Variants in PRIM2 observed in about 807,000 individuals in gnomAD.
PRIM2 encodes DNA primase subunit 2.
Under a neutral mutation model 67.3 loss-of-function variants are expected in PRIM2, and 39 were observed. That is an observed-to-expected ratio of 0.58 (90% CI 0.45 to 0.76). The LOEUF (loss-of-function observed/expected upper bound fraction) is 0.76. PRIM2 is among the 30% of genes least tolerant of loss of function. The pLI, the probability that PRIM2 is intolerant of heterozygous loss-of-function variation, is 0.00. For missense variants in PRIM2, 398 were observed against 598.7 expected (o/e 0.66, Z 3.50); for synonymous variants, 143 against 198.7 (o/e 0.72, Z 2.36).
At chr6:57,407,831 T>TTTTAATAAGAAAATACTGTGTA (rs1770946872) in intron 7 of PRIM2, among the ~76,000 whole-genome samples, 2 of 152,340 alleles carry the variant, frequency 1.3e-5, no homozygotes, top group Admixed American at 1.3e-4. Context: ...GTTTCTAATT[T>TTTTAATAAGAAAATACTGTGTA]TTTAATAAGC....
chr6:57,578,669 GTTTTTTGTT>G (rs1230884484), intron 10 of PRIM2, among the ~76,000 whole-genome samples: 11 of 112,046 alleles, frequency 9.8e-5, no homozygotes, highest in Middle Eastern at 5.6e-3. Context: ...TCCTTCTTTT[GTTTTTTGTT>G]TTTTTTTTTT....
the PRIM2 span, among the ~76,000 whole-genome samples, chr6:57,263,745 C>T: frequency 1.3e-5 from 2 of 152,204 alleles, no homozygotes; most frequent in Non-Finnish European, 2.9e-5. Flanking sequence ...TGACATCTAT[C>T]ACATCTAGCT....
the PRIM2 span, among the ~76,000 whole-genome samples, chr6:57,301,331 T>C: frequency 2.0e-5 from 3 of 151,658 alleles, no homozygotes; most frequent in Non-Finnish European, 4.4e-5. Flanking sequence ...CTATTAAAAA[T>C]ACAAAATTAG....
chr6:57,457,148 A>G (rs201737840), intron 7 of PRIM2, among the ~76,000 whole-genome samples: 81,089 of 151,944 alleles, frequency 0.53, 22,229 homozygotes, highest in South Asian at 0.63. Context: ...TTCCTCTGGA[A>G]GTTTTGTCTC....
chr6:57,297,193 G>A, the PRIM2 span, among the ~76,000 whole-genome samples: 1 of 152,158 alleles, frequency 6.6e-6, no homozygotes, highest in African/African-American at 2.4e-5. Context: ...TGTAATCCCA[G>A]CACTTTGGGA....
chr6:57,375,419 A>G (rs1769728717), intron 5 of PRIM2, among the ~76,000 whole-genome samples: 1 of 152,246 alleles, frequency 6.6e-6, no homozygotes, highest in African/African-American at 2.4e-5. Flanking sequence ...TATGAAGCCA[A>G]GTTGATCGTG....
intron 5 of PRIM2, among the ~76,000 whole-genome samples, chr6:57,333,104 G>A (rs1167354415): frequency 6.6e-6 from 1 of 152,068 alleles, no homozygotes; most frequent in Admixed American, 6.6e-5. Flanking sequence ...GTTGGGATTA[G>A]CATTAAGTTA....
chr6:57,588,799 G>T (rs1776238690), intron 10 of PRIM2, among the ~76,000 whole-genome samples: 1 of 152,112 alleles, frequency 6.6e-6, no homozygotes, highest in Admixed American at 6.5e-5. Context: ...TTATTTTTCT[G>T]TAATGTGTCT....
rs1156398291 is a variant in PRIM2 at position 57,582,779 on chromosome 6, TTTATTA to T, written c.1021-18294_1021-18289del. Among the ~76,000 whole-genome samples, 741 of 147,284 alleles carry T rather than the reference TTTATTA, an allele frequency of 5.0e-3. 5 individuals carry two copies. The highest frequency in any genetic ancestry group is 0.016 in the African/African-American group (640 of 40,062). On this transcript the variant is annotated intron_variant, in intron 10 of 13. Transcript: ENST00000615550. ...CCATTTATAATTTTATAATATTTTC[TTTATTA>T]TTATTATTATTATTATTATACTTTA...
chr6:57,351,265 AT>A (rs1284995893), intron 5 of PRIM2, among the ~76,000 whole-genome samples: 1 of 152,124 alleles, frequency 6.6e-6, no homozygotes, highest in African/African-American at 2.4e-5. Flanking sequence ...TCCAGTGAGC[AT>A]TTAACCTGAG....
chr6:57,350,344 C>A (rs1181840508), intron 5 of PRIM2, among the ~76,000 whole-genome samples: 3 of 152,080 alleles, frequency 2.0e-5, no homozygotes, highest in Non-Finnish European at 2.9e-5. Context: ...GAATTCTAAT[C>A]ATAAAAATAA....
intron 7 of PRIM2, among the ~76,000 whole-genome samples, chr6:57,389,393 GCATGAGT>G (rs1345464621): frequency 2.0e-5 from 3 of 152,110 alleles, no homozygotes; most frequent in African/African-American, 7.2e-5. Flanking sequence ...GGAATTACAG[GCATGAGT>G]CACCATGCCT....
At chr6:57,406,324 A>G (rs1246289856) in intron 7 of PRIM2, among the ~76,000 whole-genome samples, 1 of 152,152 alleles carries the variant, frequency 6.6e-6, no homozygotes, top group East Asian at 1.9e-4. Flanking sequence ...CATGGTTTCT[A>G]ATTCTGTACC....
chr6:57,366,754 G>A (rs1041801119), intron 5 of PRIM2, among the ~76,000 whole-genome samples: 6 of 152,116 alleles, frequency 3.9e-5, no homozygotes, highest in African/African-American at 1.2e-4. Context: ...ACCATAATGA[G>A]GTGCCAGAAG....
the PRIM2 span, among the ~76,000 whole-genome samples, chr6:57,241,117 G>A: frequency 6.6e-6 from 1 of 151,700 alleles, no homozygotes; most frequent in Admixed American, 6.6e-5. Context: ...CCAGCTACTC[G>A]GGAGGCTGAG....
At chr6:57,448,700 G>A (rs1200668757) in intron 7 of PRIM2, among the ~76,000 whole-genome samples, 8 of 152,104 alleles carry the variant, frequency 5.3e-5, no homozygotes, top group Non-Finnish European at 8.8e-5. Context: ...GTAAAGCTTT[G>A]TCTAAAAATT....
chr6:57,582,336 C>T (rs1414369081), intron 10 of PRIM2, among the ~76,000 whole-genome samples: 1 of 152,188 alleles, frequency 6.6e-6, no homozygotes, highest in Non-Finnish European at 1.5e-5. Context: ...TATATCCTTT[C>T]CTCTCCATTT....
At chr6:57,270,125 G>T in the PRIM2 span, among the ~76,000 whole-genome samples, 1 of 151,806 alleles carries the variant, frequency 6.6e-6, no homozygotes, top group Non-Finnish European at 1.5e-5. Flanking sequence ...CTCTTTTTTG[G>T]TTCCATATGA....
chr6:57,487,806 G>A (rs1168939633), intron 7 of PRIM2, among the ~76,000 whole-genome samples: 13 of 152,196 alleles, frequency 8.5e-5, no homozygotes, highest in Admixed American at 2.0e-4. Flanking sequence ...AATAGGAGAG[G>A]TGATAGTAGT....
Sources: gnomAD v4.1 joint callset for allele counts (sites outside exome capture counted in the v4.1 genomes callset) on GRCh38, gnomAD v4.1.1 for gene constraint, MANE v1.5 for transcripts, NCBI Gene and HGNC (gene_info 2026-07-23, HGNC 2026-07-21) for gene names.